Variants in ANKRD12 observed in about 807,000 individuals in gnomAD.
The protein encoded by ANKRD12 is ankyrin repeat domain-containing protein 12.
ANKRD12 carries 85 observed loss-of-function variants against 183.4 expected under a neutral mutation model. The ratio of observed to expected loss-of-function variants is 0.46; its 90% CI spans 0.39 to 0.56. ANKRD12 has a LOEUF of 0.56. Ranked by LOEUF, ANKRD12 falls within the 20% of genes least tolerant of loss-of-function variation. The pLI, the probability that ANKRD12 is intolerant of heterozygous loss-of-function variation, is 0.00. For missense variants in ANKRD12, 2,405 were observed against 2,357.1 expected (o/e 1.02, Z -0.42); for synonymous variants, 914 against 800.2 (o/e 1.14, Z -2.40).
rs1172953856 is a variant in ANKRD12, at chr18:9,267,213, A to G, written c.5763+3325A>G. On this transcript the variant is annotated intron_variant, in intron 10 of 12. Coordinates refer to ENST00000262126, the MANE Select transcript of ANKRD12 (RefSeq NM_015208.5). ...CCCACTGTCAACATTAGACAGATCA[A>G]CGAGAGAAAGTTAACAAGGATATCC... 4.6e-5 allele frequency among the ~76,000 whole-genome samples: 7 copies of G among 152,208 alleles called. No individual in the cohort carries two copies. The East Asian group carries it at 1.3e-3, about 29-fold the overall frequency.
intron 7 of ANKRD12, among the ~76,000 whole-genome samples, chr18:9,220,206 G>T (rs2036344089): frequency 6.6e-6 from 1 of 152,148 alleles, no homozygotes; most frequent in South Asian, 2.1e-4. Context: ...GGTAAATGCA[G>T]TTAATATTCA....
At chr18:9,214,893 A>G (rs1034618417) in intron 6 of ANKRD12, among the ~76,000 whole-genome samples, 1 of 152,184 alleles carries the variant, frequency 6.6e-6, no homozygotes, top group African/African-American at 2.4e-5. Flanking sequence ...ATTGCTATAA[A>G]AAAGGCGTAC....
At chr18:9,160,987 C>T (rs1568235366) in intron 1 of ANKRD12, among the ~76,000 whole-genome samples, 2 of 152,028 alleles carry the variant, frequency 1.3e-5, no homozygotes, top group African/African-American at 4.8e-5. Context: ...TTTTGTTCTC[C>T]TTGGTTTCCC....
At chr18:9,139,189 G>C (rs986152162) in intron 1 of ANKRD12, among the ~76,000 whole-genome samples, 1 of 152,132 alleles carries the variant, frequency 6.6e-6, no homozygotes, top group Non-Finnish European at 1.5e-5. Flanking sequence ...AAAGAATTTA[G>C]CTGAAAATAC....
intron 9 of ANKRD12, among the ~76,000 whole-genome samples, chr18:9,260,730 C>T (rs1048519936): frequency 6.6e-6 from 1 of 152,182 alleles, no homozygotes; most frequent in African/African-American, 2.4e-5. Flanking sequence ...ATGGGGAAAA[C>T]AGCAGAGGGA....
intron 1 of ANKRD12, among the ~76,000 whole-genome samples, chr18:9,156,137 CAAAAAAA>C (rs34154495): frequency 6.7e-5 from 7 of 104,122 alleles, no homozygotes; most frequent in East Asian, 2.7e-4. Context: ...GACTCTGTCT[CAAAAAAA>C]AAAAAAAAAA....
At chr18:9,253,263 T>C (rs2038406620) in intron 8 of ANKRD12, among the ~76,000 whole-genome samples, 1 of 152,202 alleles carries the variant, frequency 6.6e-6, no homozygotes, top group African/African-American at 2.4e-5. Flanking sequence ...CTATAGTTGC[T>C]CTATTGTGCT....
intron 2 of ANKRD12, among the ~76,000 whole-genome samples, chr18:9,188,215 A>G (rs933985029): frequency 2.0e-5 from 3 of 152,210 alleles, no homozygotes; most frequent in Admixed American, 1.3e-4. Flanking sequence ...GGATGCAGTG[A>G]TGGGCAGATG....
chr18:9,171,801 C>T (rs186385168), intron 1 of ANKRD12, among the ~76,000 whole-genome samples: 90 of 152,012 alleles, frequency 5.9e-4, no homozygotes, highest in African/African-American at 2.0e-3. Flanking sequence ...TGGGTAGATA[C>T]CTGAAGTCAG....
intron 1 of ANKRD12, among the ~76,000 whole-genome samples, chr18:9,170,129 T>G (rs1323997262): frequency 6.6e-6 from 1 of 152,248 alleles, no homozygotes; most frequent in African/African-American, 2.4e-5. Context: ...CACCTTTCTC[T>G]CTGGCTGCCC....
At chr18:9,186,996 C>T (rs1028643048) in intron 2 of ANKRD12, among the ~76,000 whole-genome samples, 7 of 151,994 alleles carry the variant, frequency 4.6e-5, no homozygotes, top group Non-Finnish European at 1.0e-4. Context: ...CTCCTGACCT[C>T]GTGATCCGCC....
At chr18:9,222,339 A>G (rs1048939105) in intron 8 of ANKRD12, among the ~76,000 whole-genome samples, 3 of 152,206 alleles carry the variant, frequency 2.0e-5, no homozygotes. Flanking sequence ...TATAAATTAC[A>G]GAGCTACTAA....
intron 12 of ANKRD12, among the ~76,000 whole-genome samples, chr18:9,280,136 AC>A: frequency 6.6e-6 from 1 of 152,306 alleles, no homozygotes; most frequent in African/African-American, 2.4e-5. Context: ...TTCGTGGAAG[AC>A]AATTTTTCCA....
chr18:9,219,927 A>G (rs2036325197), intron 7 of ANKRD12, among the ~76,000 whole-genome samples: 1 of 152,158 alleles, frequency 6.6e-6, no homozygotes, highest in Non-Finnish European at 1.5e-5. Context: ...TTACTGGAAT[A>G]TGGAGATAAG....
At chr18:9,160,765 T>A (rs1253620676) in intron 1 of ANKRD12, among the ~76,000 whole-genome samples, 2 of 152,232 alleles carry the variant, frequency 1.3e-5, no homozygotes, top group Admixed American at 1.3e-4. Flanking sequence ...GAGTAAATTG[T>A]AATGTTCTAG....
At chr18:9,176,098 G>A (rs2033244053) in intron 1 of ANKRD12, among the ~76,000 whole-genome samples, 1 of 152,096 alleles carries the variant, frequency 6.6e-6, no homozygotes, top group Admixed American at 6.6e-5. Context: ...GATTCTGCTG[G>A]TCTTGTTACT....
At chr18:9,164,499 T>C (rs1221712426) in intron 1 of ANKRD12, among the ~76,000 whole-genome samples, 4 of 152,306 alleles carry the variant, frequency 2.6e-5, no homozygotes, top group Admixed American at 6.5e-5. Context: ...ATTAGGTTGT[T>C]AATTTGGTAT....
chr18:9,258,538 A>T lies in ANKRD12; in HGVS notation c.5271A>T (p.Leu1757Phe), dbSNP rs746177412. The change falls in exon 9 of 13, where the codon TTA (leucine) becomes TTT (phenylalanine). Residue 1757 changes from leucine to phenylalanine, a missense_variant. Coordinates refer to ENST00000262126, the MANE Select transcript of ANKRD12 (RefSeq NM_015208.5). ...AGATTCTTGCTAGCTGTACACTATTATCAGAAAAAGACAGTGAATCCTCAT... is the reference window on the plus strand; with the variant it reads ...AGATTCTTGCTAGCTGTACACTATTTTCAGAAAAAGACAGTGAATCCTCAT... ...SKQILASCTL[L>F]SEKDSESSSP... 2 of 1,613,790 alleles carry T rather than the reference A, an allele frequency of 1.2e-6. No individual in the cohort carries two copies. Among genetic ancestry groups the T allele is most frequent in the Middle Eastern group, 1.6e-4 (1 of 6,062 alleles).
chr18:9,255,124 A>C lies in ANKRD12; in HGVS notation c.1857A>C (p.Lys619Asn). Residue 619 changes from lysine to asparagine, a missense_variant, in exon 9 of 13, where the codon AAA becomes AAC. Coordinates refer to ENST00000262126, the MANE Select transcript of ANKRD12 (RefSeq NM_015208.5). ...ATTTCCACTTAGAATTTGGTGAAAA[A>C]TCAAATGCCAAAATAAAGGATGAAG... ...QKDFHLEFGEKSNAKIKDEDH... is the reference protein window; with the variant it reads ...QKDFHLEFGENSNAKIKDEDH... The C allele has an allele frequency of 1.3e-6, 2 of 1,582,680 alleles. No individual in the cohort carries two copies. Among genetic ancestry groups the C allele is most frequent in the Middle Eastern group, 3.4e-4 (2 of 5,904 alleles).
Sources: allele counts gnomAD v4.1 joint callset (sites outside exome capture counted in the v4.1 genomes callset), GRCh38; gene constraint gnomAD v4.1.1; transcripts MANE v1.5; gene names NCBI Gene and HGNC (gene_info 2026-07-23, HGNC 2026-07-21).